The following CNTNAP2 variants were observed in gnomAD, a reference collection of about 807,000 sequenced individuals.
CNTNAP2 encodes the protein contactin-associated protein-like 2.
CNTNAP2 carries 98 observed loss-of-function variants against 155.2 expected under a neutral mutation model. The ratio of observed to expected loss-of-function variants is 0.63; its 90% confidence interval spans 0.54 to 0.75. The LOEUF is 0.75. CNTNAP2 is among the 30% of genes least tolerant of loss of function. The pLI is 0.00. For missense variants in CNTNAP2, 1,727 were observed against 1,688.1 expected (o/e 1.02, Z -0.40); for synonymous variants, 651 against 631.2 (o/e 1.03, Z -0.47).
At chr7:148,310,404 G>A (rs1351036268) in intron 21 of CNTNAP2, among the ~76,000 whole-genome samples, 1 of 152,230 alleles carries the variant, frequency 6.6e-6, no homozygotes, top group Non-Finnish European at 1.5e-5. Context: ...GGGCCTGGAG[G>A]ACTGATAAAG....
At chr7:146,703,833 A>C (rs113225530) in intron 1 of CNTNAP2, among the ~76,000 whole-genome samples, 341 of 152,214 alleles carry the variant, frequency 2.2e-3, no homozygotes, top group African/African-American at 7.9e-3. Flanking sequence ...AGGGGACACA[A>C]ACTTTTGAAC....
chr7:147,751,055 AAATAAT>A (rs1223665919), intron 13 of CNTNAP2, among the ~76,000 whole-genome samples: 3 of 151,354 alleles, frequency 2.0e-5, no homozygotes, highest in African/African-American at 7.2e-5. Flanking sequence ...TAAAAAATAA[AAATAAT>A]AATAATAAAT....
chr7:148,189,631 A>T (rs1240936251), intron 18 of CNTNAP2, among the ~76,000 whole-genome samples: 1 of 152,250 alleles, frequency 6.6e-6, no homozygotes, highest in East Asian at 1.9e-4. Flanking sequence ...CATCCCCTCG[A>T]TCTTGAACTT....
intron 2 of CNTNAP2, among the ~76,000 whole-genome samples, chr7:146,784,785 G>T (rs191184269): frequency 6.6e-6 from 1 of 152,102 alleles, no homozygotes; most frequent in Non-Finnish European, 1.5e-5. Flanking sequence ...CAGATTCTTA[G>T]TGGTCTGGAC....
In CNTNAP2 at chr7:146,185,394, C is replaced by T. The variant is rs559891898; in HGVS notation, c.97+68421C>T. On this transcript the variant is annotated intron_variant, in intron 1 of 23. Transcript: ENST00000361727. ...ATCCTACCATGGCAAAGTTGAGTAA[C>T]TTCGATAGAGACCATGTAACTCTCA... 2.4e-4 allele frequency among the ~76,000 whole-genome samples: 37 copies of T among 152,144 alleles called. 1 individual carries two copies. In the Middle Eastern group the frequency reaches 0.014, roughly 56 times the overall value.
At chr7:148,089,235 G>A (rs1332359491) in intron 15 of CNTNAP2, among the ~76,000 whole-genome samples, 2 of 151,906 alleles carry the variant, frequency 1.3e-5, no homozygotes, top group Non-Finnish European at 2.9e-5. Context: ...CTTCCTCTAA[G>A]ATTAGGAAGA....
At chr7:147,141,130 T>C (rs895062881) in intron 8 of CNTNAP2, among the ~76,000 whole-genome samples, 2 of 152,170 alleles carry the variant, frequency 1.3e-5, no homozygotes, top group African/African-American at 4.8e-5. Flanking sequence ...ATCTCATTTA[T>C]ACAAATGGTA....
chr7:146,345,403 G>A (rs10231549), intron 1 of CNTNAP2, among the ~76,000 whole-genome samples: 18,290 of 152,140 alleles, frequency 0.12, 2,055 homozygotes, highest in African/African-American at 0.3. Context: ...TGCTGACAGC[G>A]CCTGATAAGA....
At chr7:146,770,808 C>T (rs1189401082) in intron 1 of CNTNAP2, among the ~76,000 whole-genome samples, 1 of 151,878 alleles carries the variant, frequency 6.6e-6, no homozygotes, top group Admixed American at 6.6e-5. Context: ...CATATAAATT[C>T]TAAATTTAAA....
intron 1 of CNTNAP2, among the ~76,000 whole-genome samples, chr7:146,157,210 G>A (rs1424315533): frequency 6.6e-6 from 1 of 151,984 alleles, no homozygotes; most frequent in African/African-American, 2.4e-5. Flanking sequence ...ATTATTCTAA[G>A]CAATTTTTAA....
intron 2 of CNTNAP2, among the ~76,000 whole-genome samples, chr7:146,810,882 A>G (rs1046709033): frequency 6.6e-6 from 1 of 152,124 alleles, no homozygotes; most frequent in Non-Finnish European, 1.5e-5. Context: ...TGTTGCATCT[A>G]TTGAGATGAT....
chr7:147,510,757 G>A (rs1799001861), intron 11 of CNTNAP2, among the ~76,000 whole-genome samples: 1 of 147,856 alleles, frequency 6.8e-6, no homozygotes, highest in Admixed American at 6.8e-5. Context: ...GTTAATATAT[G>A]ACAAATATTG....
intron 1 of CNTNAP2, among the ~76,000 whole-genome samples, chr7:146,225,069 C>T (rs1562996619): frequency 6.6e-6 from 1 of 151,916 alleles, no homozygotes; most frequent in African/African-American, 2.4e-5. Context: ...TGTGGGAAGA[C>T]AAAAAGAAAG....
intron 13 of CNTNAP2, among the ~76,000 whole-genome samples, chr7:147,842,022 G>A (rs1223779959): frequency 6.6e-6 from 1 of 151,962 alleles, no homozygotes; most frequent in Non-Finnish European, 1.5e-5. Context: ...GGTCAAAGTT[G>A]CCATTAATTG....
chr7:146,393,570 G>T (rs920662536), intron 1 of CNTNAP2, among the ~76,000 whole-genome samples: 14 of 152,060 alleles, frequency 9.2e-5, no homozygotes, highest in African/African-American at 3.4e-4. Context: ...ATTCCTTTGG[G>T]AATTCTCTAA....
At chr7:148,292,947 A>G (rs918870506) in intron 21 of CNTNAP2, among the ~76,000 whole-genome samples, 3 of 152,164 alleles carry the variant, frequency 2.0e-5, no homozygotes, top group Non-Finnish European at 2.9e-5. Context: ...TGAGCCATCT[A>G]CACCGGCAAA....
intron 13 of CNTNAP2, among the ~76,000 whole-genome samples, chr7:147,864,751 A>G (rs1799198379): frequency 6.6e-6 from 1 of 152,114 alleles, no homozygotes; most frequent in Non-Finnish European, 1.5e-5. Flanking sequence ...GTGTATAGGA[A>G]TGCTTGATTT....
intron 21 of CNTNAP2, among the ~76,000 whole-genome samples, chr7:148,345,898 G>A (rs1798318784): frequency 6.6e-6 from 1 of 152,070 alleles, no homozygotes; most frequent in African/African-American, 2.4e-5. Context: ...AGCAGGCTTA[G>A]CAACTCCTAT....
chr7:148,171,505 T>A (rs1383232750), intron 17 of CNTNAP2, among the ~76,000 whole-genome samples: 1 of 152,228 alleles, frequency 6.6e-6, no homozygotes, highest in Admixed American at 6.5e-5. Context: ...CTGTGAAATT[T>A]CTTGGGAATA....
Sources: allele counts gnomAD v4.1 joint callset (sites outside exome capture counted in the v4.1 genomes callset), GRCh38; gene constraint gnomAD v4.1.1; transcripts MANE v1.5; gene names NCBI Gene and HGNC (gene_info 2026-07-23, HGNC 2026-07-21).